ARHGAP15: variants seen among roughly 807,000 people sequenced by gnomAD.
The protein encoded by ARHGAP15 is Rho GTPase activating protein 15.
In ARHGAP15, 51 loss-of-function variants were observed where a neutral mutation model predicts 63.7. The observed-to-expected ratio is 0.80, with a 90% CI of 0.64 to 1.01. The LOEUF (loss-of-function observed/expected upper bound fraction) is 1.01. ARHGAP15 is among the 50% of genes least tolerant of loss of function. The probability of loss-of-function intolerance (pLI) is 0.00; values close to 1 mark genes in which losing one functional copy is unlikely to be tolerated. For synonymous variants in ARHGAP15, 191 were observed against 193.8 expected, an observed-to-expected ratio of 0.99 and a Z score of 0.12; for missense variants, 560 against 564.6, an observed-to-expected ratio of 0.99 and a Z score of 0.08.
chr2:143,250,453 C>A, intron 5 of ARHGAP15, 58 bp from the exon 6 acceptor site: 3 of 1,325,482 alleles, frequency 2.3e-6, no homozygotes, highest in Non-Finnish European at 3.2e-6. Context: ...TCCTATTTCT[C>A]TGACATCTAT....
chr2:143,513,839 A>G (rs1466583017), intron 9 of ARHGAP15, among the ~76,000 whole-genome samples: 1 of 152,094 alleles, frequency 6.6e-6, no homozygotes, highest in Non-Finnish European at 1.5e-5. Context: ...CCTTCTTGCC[A>G]TGACAGGTTT....
chr2:143,275,843 T>G (rs1681521247), intron 6 of ARHGAP15, among the ~76,000 whole-genome samples: 1 of 152,248 alleles, frequency 6.6e-6, no homozygotes, highest in Admixed American at 6.5e-5. Context: ...GTTCATTTGT[T>G]TGACTTCCCA....
At chr2:143,445,056 G>C (rs543076750) in intron 8 of ARHGAP15, among the ~76,000 whole-genome samples, 30 of 150,988 alleles carry the variant, frequency 2.0e-4, no homozygotes, top group African/African-American at 5.6e-4. Context: ...TAGAGGACTA[G>C]ATAGGAAATG....
intron 6 of ARHGAP15, among the ~76,000 whole-genome samples, chr2:143,411,244 C>A (rs955974435): frequency 3.3e-5 from 5 of 151,644 alleles, no homozygotes; most frequent in Non-Finnish European, 7.4e-5. Context: ...GGAAAGGGTA[C>A]ATTAAGATAC....
intron 6 of ARHGAP15, among the ~76,000 whole-genome samples, chr2:143,397,631 T>G (rs181801958): frequency 1.3e-5 from 2 of 152,210 alleles, no homozygotes; most frequent in African/African-American, 4.8e-5. Flanking sequence ...TTGCTTAACT[T>G]TTTTCATAAA....
intron 8 of ARHGAP15, among the ~76,000 whole-genome samples, chr2:143,466,468 A>T (rs1226621122): frequency 2.0e-5 from 3 of 152,070 alleles, no homozygotes; most frequent in African/African-American, 7.2e-5. Context: ...TTGTCCAAGC[A>T]TTCATACATT....
At chr2:143,589,491 G>A (rs1697241611) in intron 11 of ARHGAP15, among the ~76,000 whole-genome samples, 1 of 152,162 alleles carries the variant, frequency 6.6e-6, no homozygotes, top group Admixed American at 6.5e-5. Context: ...TTCTGGTAAG[G>A]AAACTGAGGC....
chr2:143,490,307 C>G (rs1252048370), intron 9 of ARHGAP15, among the ~76,000 whole-genome samples: 1 of 152,008 alleles, frequency 6.6e-6, no homozygotes, highest in Non-Finnish European at 1.5e-5. Flanking sequence ...CCGGCCATGT[C>G]AATTTTCAAA....
At chr2:143,624,708 A>G (rs1467536354) in intron 12 of ARHGAP15, among the ~76,000 whole-genome samples, 1 of 152,198 alleles carries the variant, frequency 6.6e-6, no homozygotes, top group Non-Finnish European at 1.5e-5. Context: ...CTAAGACATC[A>G]TGTTCTCTTG....
chr2:143,569,675 T>G (rs1696375893), intron 11 of ARHGAP15, among the ~76,000 whole-genome samples: 1 of 152,210 alleles, frequency 6.6e-6, no homozygotes, highest in African/African-American at 2.4e-5. Context: ...CAGTGGGGTG[T>G]AGGGCAGCAG....
intron 6 of ARHGAP15, among the ~76,000 whole-genome samples, chr2:143,386,297 AT>A (rs1314768860): frequency 6.6e-6 from 1 of 152,196 alleles, no homozygotes; most frequent in Non-Finnish European, 1.5e-5. Flanking sequence ...ATATGGCCAA[AT>A]ATGCAATTTT....
At chr2:143,675,487 G>A (rs1327199905) in intron 12 of ARHGAP15, among the ~76,000 whole-genome samples, 5 of 152,150 alleles carry the variant, frequency 3.3e-5, no homozygotes, top group Non-Finnish European at 5.9e-5. Context: ...GGCAGCCATA[G>A]CCTTATAAAA....
chr2:143,356,405 A>AC (rs890912794), intron 6 of ARHGAP15, among the ~76,000 whole-genome samples: 3 of 151,882 alleles, frequency 2.0e-5, no homozygotes, highest in Non-Finnish European at 4.4e-5. Flanking sequence ...TGAAGGCACC[A>AC]CCCCCCTTCC....
intron 9 of ARHGAP15, among the ~76,000 whole-genome samples, chr2:143,491,368 G>A (rs1692573654): frequency 6.6e-6 from 1 of 152,194 alleles, no homozygotes; most frequent in Admixed American, 6.5e-5. Context: ...ACAGTTTTTA[G>A]AGAAGATAAC....
rs547804519 is a variant in ARHGAP15 at position 143,366,262 on chromosome 2, A to G, written c.475-69339A>G. On this transcript the variant is annotated intron_variant, in intron 6 of 13. Transcript: ENST00000295095. The stretch of plus-strand genomic sequence containing the variant: ...ACACATGCTGAATCACTTTTTTTGG[A>G]TGATTCTTTCTGATGTTAAACCGTT... 2.0e-5 allele frequency among the ~76,000 whole-genome samples: 3 copies of G among 152,112 alleles called. 1 individual carries two copies. The South Asian group carries it at 6.2e-4, about 32-fold the overall frequency.
intron 1 of ARHGAP15, among the ~76,000 whole-genome samples, chr2:143,155,083 G>A (rs547412908): frequency 6.6e-6 from 1 of 151,984 alleles, no homozygotes. Context: ...GCTGATGGTA[G>A]CATGTAGGGG....
intron 6 of ARHGAP15, among the ~76,000 whole-genome samples, chr2:143,304,303 A>G (rs201922562): frequency 9.3e-5 from 14 of 150,082 alleles, no homozygotes; most frequent in East Asian, 2.0e-4. Context: ...TGTCCTCTGT[A>G]GGGACATGGA....
At chr2:143,595,470 C>T (rs1345683687) in intron 11 of ARHGAP15, among the ~76,000 whole-genome samples, 1 of 152,070 alleles carries the variant, frequency 6.6e-6, no homozygotes, top group African/African-American at 2.4e-5. Context: ...CCCGTGGAAT[C>T]CTGTACCATC....
At chr2:143,393,007 T>C (rs923187091) in intron 6 of ARHGAP15, among the ~76,000 whole-genome samples, 2 of 152,138 alleles carry the variant, frequency 1.3e-5, no homozygotes, top group African/African-American at 4.8e-5. Flanking sequence ...AGGAGAAGGA[T>C]GATTTTCAGA....
Sources: gnomAD v4.1 joint callset for allele counts (sites outside exome capture counted in the v4.1 genomes callset) on GRCh38, gnomAD v4.1.1 for gene constraint, MANE v1.5 for transcripts, NCBI Gene and HGNC (gene_info 2026-07-23, HGNC 2026-07-21) for gene names.